The following ATP2A2 variants were observed in gnomAD, a reference collection of about 807,000 sequenced individuals.
ATP2A2 encodes the protein sarcoplasmic/endoplasmic reticulum calcium ATPase 2.
In ATP2A2, 14 loss-of-function variants were observed where a neutral mutation model predicts 109.3. That is an observed-to-expected ratio of 0.13 (90% CI 0.08 to 0.20). The LOEUF (loss-of-function observed/expected upper bound fraction) is 0.20. Among genes scored for constraint, ATP2A2 ranks in the 10% least tolerant of loss-of-function variants. ATP2A2 has a pLI of 1.00. For synonymous variants in ATP2A2, 506 were observed against 490.9 expected (o/e 1.03, Z -0.41); for missense variants, 657 against 1,321.6 (o/e 0.50, Z 7.80).
intron 5 of ATP2A2, among the ~76,000 whole-genome samples, chr12:110,302,674 A>G (rs1215612534): frequency 6.6e-6 from 1 of 151,858 alleles, no homozygotes; most frequent in Non-Finnish European, 1.5e-5. Context: ...ATCTCGGTTC[A>G]CTGCAACCTC....
chr12:110,309,197 G>A lies in ATP2A2; in HGVS notation c.463+12460G>A, dbSNP rs1028384920. ...TTTTGAGATGGAATCTCACTCTGTC[G>A]CCCAGGCAGGAGTGCAAGGGCGTGA... On this transcript the variant is annotated intron_variant, in intron 5 of 19. Coordinates refer to ENST00000539276, the MANE Select transcript of ATP2A2 (RefSeq NM_170665.4). 1.6e-4 allele frequency among the ~76,000 whole-genome samples: 18 copies of A among 109,462 alleles called. No individual in the cohort carries two copies. In the Middle Eastern group the frequency reaches 0.058, roughly 355 times the overall value. 71.8% of individuals were successfully genotyped at this position (109,462 alleles called of 152,430 possible).
At position 110,333,164 on chromosome 12, in the gene ATP2A2, GTT is replaced by G; in HGVS notation, c.1185-14_1185-13del. 6.2e-7 allele frequency: 1 copy of G among 1,602,026 alleles called. No individual in the cohort carries two copies. Among genetic ancestry groups the G allele is most frequent in the Non-Finnish European group, 8.6e-7 (1 of 1,169,370 alleles). On this transcript the variant is annotated splice_polypyrimidine_tract_variant and intron_variant, in intron 9 of 19. Coordinates refer to ENST00000539276, the MANE Select transcript of ATP2A2 (RefSeq NM_170665.4). ...GGCGACCATACCCTGCTCTAAGAGT[GTT>G]TTCTCTTTGGGCAGGCATAAAGATG...
chr12:110,344,792 T>G, intron 16 of ATP2A2, 94 bp from the exon 17 acceptor site: 42 of 1,245,874 alleles, frequency 3.4e-5, no homozygotes, highest in Non-Finnish European at 4.6e-5. Context: ...CCCATGTCTT[T>G]GATCTTCGTC....
rs998650895 is a variant in ATP2A2 at position 110,349,807 on chromosome 12, C to T, written c.*3337C>T. ...CAGTTAGCAAGAAGGGTAGGCTTCA[C>T]CCTCCTTTACTGAGGAGAATGATGC... On this transcript the variant is annotated 3_prime_UTR_variant, in exon 20 of 20. Coordinates refer to ENST00000539276, the MANE Select transcript of ATP2A2 (RefSeq NM_170665.4). 2 of 1,024,438 alleles carry T rather than the reference C, an allele frequency of 2.0e-6. No homozygotes were observed. The highest frequency in any genetic ancestry group is 2.3e-6 in the Non-Finnish European group (2 of 852,682). 63.5% of individuals were successfully genotyped at this position (1,024,438 alleles called of 1,614,324 possible). A position where few individuals can be genotyped will look rare whatever the true frequency, so the allele number is the denominator to read the frequency against.
chr12:110,284,876 G>T (rs1038379319), intron 3 of ATP2A2, among the ~76,000 whole-genome samples: 1 of 152,176 alleles, frequency 6.6e-6, no homozygotes. Context: ...GCAGATATAA[G>T]ACCTGTTGTG....
rs759969834 is a variant in ATP2A2 at position 110,346,273 on chromosome 12, C to G, written c.2932C>G (p.Leu978Val). 4.3e-6 allele frequency: 7 copies of G among 1,614,056 alleles called. No individual in the cohort carries two copies. The highest frequency in any genetic ancestry group is 5.1e-6 in the Non-Finnish European group (6 of 1,180,040). ...GCTGAAAATCTCCTTGCCCGTGATT[C>G]TCATGGATGAGACGCTCAAGTTTGT... is the stretch of plus-strand genomic sequence containing the variant. ...MVLKISLPVILMDETLKFVAR... is the reference protein window; with the variant it reads ...MVLKISLPVIVMDETLKFVAR... The change falls in exon 20 of 20, where the codon CTC (leucine) becomes GTC (valine). Residue 978 changes from leucine (L) to valine (V), a missense_variant. Leu to Val is a conservative substitution (Grantham distance 32). Around this residue, in one of 9 missense-constraint regions of ATP2A2, gnomAD observed 125 missense variants for 243.5 expected, o/e 0.51. Coordinates refer to ENST00000539276, the MANE Select transcript of ATP2A2 (RefSeq NM_170665.4).
At position 110,321,282 on chromosome 12, in the gene ATP2A2, T is replaced by G. The variant is rs542181743; in HGVS notation, c.464-1710T>G. On this transcript the variant is annotated intron_variant, in intron 5 of 19. Transcript: ENST00000539276. Reference sequence around the variant, plus strand: ...ATGTTTACTTCTTGGACAGGAGTGCTATTTTGCCATTTTGTATATGACTGG... The same window carrying G: ...ATGTTTACTTCTTGGACAGGAGTGCGATTTTGCCATTTTGTATATGACTGG... Among the ~76,000 whole-genome samples the G allele has an allele frequency of 2.0e-5, 3 of 152,314 alleles. No individual in the cohort carries two copies. The East Asian group carries it at 5.8e-4, about 29-fold the overall frequency.
chr12:110,342,591 T>C lies in ATP2A2; in HGVS notation c.2318+143T>C. 1 of 1,004,838 alleles carries C rather than the reference T, an allele frequency of 1.0e-6. No individual in the cohort carries two copies. The allele number at this position is 1,004,838 out of a possible 1,614,324, so 62.2% of individuals were successfully genotyped here. A position where few individuals can be genotyped will look rare whatever the true frequency, so the allele number is the denominator to read the frequency against. On this transcript the variant is annotated intron_variant, in intron 15 of 19. Transcript: ENST00000539276. The surrounding 1 kb of genome is among the most constrained non-coding windows in gnomAD (Gnocchi z 4.6). ...AAGAGGGGAGTGGGCAAGACAGAAA[T>C]GCCTTATGGAAGCAGTGGTGCTTTG... is the stretch of plus-strand genomic sequence containing the variant.
rs1363564029 is a variant in ATP2A2, at chr12:110,346,905, A to G, written c.*435A>G. On this transcript the variant is annotated 3_prime_UTR_variant, in exon 20 of 20. Coordinates refer to ENST00000539276, the MANE Select transcript of ATP2A2 (RefSeq NM_170665.4). Reference sequence around the variant, plus strand: ...CATGATGATCCGGATTTAATTTGATATCACAGTCTAATTTTTATTCATAAG... The same window carrying G: ...CATGATGATCCGGATTTAATTTGATGTCACAGTCTAATTTTTATTCATAAG... 2.8e-6 allele frequency: 3 copies of G among 1,090,444 alleles called. No homozygotes were observed. The highest frequency in any genetic ancestry group is 1.1e-6 in the Non-Finnish European group (1 of 894,334). The allele number at this position is 1,090,444 out of a possible 1,614,324, so 67.5% of individuals were successfully genotyped here.
intron 3 of ATP2A2, among the ~76,000 whole-genome samples, chr12:110,289,722 T>G: frequency 6.6e-6 from 1 of 152,192 alleles, no homozygotes; most frequent in South Asian, 2.1e-4. Flanking sequence ...ATGCAAACAT[T>G]TTAAGCAATT....
Position 110,349,480 on chromosome 12 carries a change from A to G in ATP2A2, c.*3010A>G. The G allele has an allele frequency of 4.1e-6, 4 of 985,408 alleles. No individual in the cohort carries two copies. The highest frequency in any genetic ancestry group is 3.6e-6 in the Non-Finnish European group (3 of 830,030). The allele number at this position is 985,408 out of a possible 1,614,324, so 61.0% of individuals were successfully genotyped here. A position where few individuals can be genotyped will look rare whatever the true frequency, so the allele number is the denominator to read the frequency against. On this transcript the variant is annotated 3_prime_UTR_variant, in exon 20 of 20. Coordinates refer to ENST00000539276, the MANE Select transcript of ATP2A2 (RefSeq NM_170665.4). ...TCATACATACCCTAACTGGGACACC[A>G]CTCTGCAGAATGCAGATGATCCATT... is the stretch of plus-strand genomic sequence containing the variant.
chr12:110,309,662 G>C (rs553016386), intron 5 of ATP2A2, among the ~76,000 whole-genome samples: 14 of 152,072 alleles, frequency 9.2e-5, no homozygotes, highest in Admixed American at 8.5e-4. Flanking sequence ...CAGCACTTTT[G>C]GGGGAGGCCA....
At chr12:110,314,011 G>A (rs1051260237) in intron 5 of ATP2A2, among the ~76,000 whole-genome samples, 1 of 149,546 alleles carries the variant, frequency 6.7e-6, no homozygotes, top group African/African-American at 2.4e-5. Context: ...CACTGTGCCC[G>A]GCCGATAATG....
chr12:110,308,075 G>A (rs751374542), intron 5 of ATP2A2, among the ~76,000 whole-genome samples: 12 of 151,912 alleles, frequency 7.9e-5, no homozygotes, highest in Admixed American at 2.0e-4. Flanking sequence ...AGTTTTTTAC[G>A]TATTGATCTT....
In ATP2A2 at chr12:110,348,970, G is replaced by A. The variant is rs1014839302; in HGVS notation, c.*2500G>A. The A allele has an allele frequency of 9.1e-6, 9 of 985,290 alleles. No homozygotes were observed. The highest frequency in any genetic ancestry group is 1.1e-5 in the Non-Finnish European group (9 of 829,954). 61.0% of individuals were successfully genotyped at this position (985,290 alleles called of 1,614,324 possible). ...TTTCCTGACTCAGTTCCTTGACTTA[G>A]TGGCCTTTACAAAAAAAGTTGAGTA... On this transcript the variant is annotated 3_prime_UTR_variant, in exon 20 of 20. Coordinates refer to ENST00000539276, the MANE Select transcript of ATP2A2 (RefSeq NM_170665.4).
intron 10 of ATP2A2, among the ~76,000 whole-genome samples, chr12:110,333,695 T>C (rs1878559229): frequency 6.6e-6 from 1 of 152,220 alleles, no homozygotes. Context: ...ATTACATTAT[T>C]ATGTGAAGGC....
At chr12:110,301,524 A>G (rs936278905) in intron 5 of ATP2A2, among the ~76,000 whole-genome samples, 1 of 152,144 alleles carries the variant, frequency 6.6e-6, no homozygotes, top group African/African-American at 2.4e-5. Context: ...TCCAGAACAC[A>G]CCCAAGTTCG....
At chr12:110,344,858 G>GCAT (rs1879692284) in intron 16 of ATP2A2, 28 bp from the exon 17 acceptor site, 1 of 1,612,118 alleles carries the variant, frequency 6.2e-7, no homozygotes, top group African/African-American at 1.3e-5. Flanking sequence ...AGAGGCAAGT[G>GCAT]CATCAGCATC....
At position 110,333,283 on chromosome 12, in the gene ATP2A2, G is replaced by C; in HGVS notation, c.1287G>C (p.Glu429Asp). The part of the protein sequence containing the change: ...LCNDSALDYN[E>D]AKGVYEKVGE... ...ATGACTCTGCTTTGGATTACAATGA[G>C]GTAAGTCTCTTCATAAATTAGAAGG... Residue 429 changes from glutamate (E) to aspartate (D), a missense_variant and splice_region_variant, in exon 10 of 20, where the codon GAG becomes GAC. Physicochemically the swap from Glu to Asp is conservative, Grantham distance 45. Transcript: ENST00000539276. 1 of 1,606,818 alleles carries C rather than the reference G, an allele frequency of 6.2e-7. No individual in the cohort carries two copies. Among genetic ancestry groups the C allele is most frequent in the South Asian group, 1.1e-5 (1 of 90,916 alleles).
Sources: allele counts gnomAD v4.1 joint callset (sites outside exome capture counted in the v4.1 genomes callset), GRCh38; gene constraint gnomAD v4.1.1; regional missense constraint gnomAD v4.1.1; non-coding constraint Gnocchi (gnomAD v3.1); transcripts MANE v1.5; gene names NCBI Gene and HGNC (gene_info 2026-07-23, HGNC 2026-07-21).